The following CDH13 variants were observed in gnomAD, a reference collection of about 807,000 sequenced individuals.
CDH13 encodes cadherin 13.
A neutral mutation model predicts 63.8 loss-of-function variants in CDH13; 24 were observed. The observed-to-expected ratio is 0.38, with a 90% CI of 0.27 to 0.53. The LOEUF is 0.53. CDH13 is among the 20% of genes least tolerant of loss of function. CDH13 has a pLI of 0.85. For missense variants in CDH13, 1,049 were observed against 903.1 expected (o/e 1.16, Z -2.07); for synonymous variants, 503 against 355.3 (o/e 1.42, Z -4.67).
At chr16:82,673,646 G>A (rs1913557060) in intron 1 of CDH13, among the ~76,000 whole-genome samples, 2 of 152,234 alleles carry the variant, frequency 1.3e-5, no homozygotes, top group Non-Finnish European at 2.9e-5. Context: ...GATGGCGAGA[G>A]CCTCCCTAAA....
At chr16:82,939,484 A>AG (rs2042767832) in intron 2 of CDH13, among the ~76,000 whole-genome samples, 1 of 99,910 alleles carries the variant, frequency 1.0e-5, no homozygotes, top group Non-Finnish European at 2.0e-5. Context: ...GGAGGGAGGG[A>AG]GGGAGGGAAG....
chr16:82,740,267 T>C (rs1486056954), intron 1 of CDH13, among the ~76,000 whole-genome samples: 3 of 152,196 alleles, frequency 2.0e-5, no homozygotes, highest in Non-Finnish European at 4.4e-5. Context: ...TTGAGTACTT[T>C]AATTCTGGAT....
At chr16:82,874,047 A>G (rs1011819189) in intron 2 of CDH13, among the ~76,000 whole-genome samples, 11 of 90,552 alleles carry the variant, frequency 1.2e-4, no homozygotes, top group Admixed American at 6.2e-4. Flanking sequence ...TAGAAAGATA[A>G]TAAGATGCAC....
At chr16:83,504,145 C>T (rs2074345505) in intron 7 of CDH13, among the ~76,000 whole-genome samples, 1 of 152,120 alleles carries the variant, frequency 6.6e-6, no homozygotes, top group African/African-American at 2.4e-5. Flanking sequence ...ATAAAAGATG[C>T]CCGTTCCTCT....
chr16:83,283,411 T>C (rs145875157), intron 5 of CDH13, among the ~76,000 whole-genome samples: 33,198 of 152,132 alleles, frequency 0.22, 3,847 homozygotes, highest in Middle Eastern at 0.3. Flanking sequence ...GCCAACATGG[T>C]GAAACCCTGT....
intron 5 of CDH13, among the ~76,000 whole-genome samples, chr16:83,267,535 G>C (rs1287770570): frequency 6.6e-6 from 1 of 152,174 alleles, no homozygotes. Flanking sequence ...CCTCTAAAAG[G>C]TGATTAGGTC....
Position 83,773,776 on chromosome 16 carries a change from C to T in CDH13, c.1682-6192C>T, listed in dbSNP as rs145182806. ...AGTTCTTCTAGCCTTGCCTCAAACC[C>T]AGGGTGAGCATTAGTATATGGTGAT... On this transcript the variant is annotated intron_variant, in intron 11 of 13. Coordinates refer to ENST00000567109, the MANE Select transcript of CDH13 (RefSeq NM_001257.5). 1.1e-3 allele frequency among the ~76,000 whole-genome samples: 167 copies of T among 152,260 alleles called. 2 individuals are homozygous for T. Among genetic ancestry groups the T allele is most frequent in the Middle Eastern group, 3.4e-3 (1 of 294 alleles).
chr16:83,590,779 G>A (rs749112323), intron 7 of CDH13, among the ~76,000 whole-genome samples: 5 of 151,910 alleles, frequency 3.3e-5, no homozygotes, highest in African/African-American at 7.3e-5. Context: ...CTAAATCGAC[G>A]ACATCAGCGT....
At chr16:83,134,539 T>TGG (rs2036192190) in intron 4 of CDH13, among the ~76,000 whole-genome samples, 17 of 46,514 alleles carry the variant, frequency 3.7e-4, no homozygotes, top group Admixed American at 3.3e-3. Flanking sequence ...GGGGATGGGG[T>TGG]GGGGGGAGAG....
At chr16:82,676,629 G>T (rs1913941651) in intron 1 of CDH13, among the ~76,000 whole-genome samples, 1 of 151,462 alleles carries the variant, frequency 6.6e-6, no homozygotes, top group African/African-American at 2.4e-5. Flanking sequence ...TGCATATGAC[G>T]ATGTCATTCA....
intron 3 of CDH13, among the ~76,000 whole-genome samples, chr16:83,071,774 A>G (rs1288805616): frequency 6.6e-6 from 1 of 152,246 alleles, no homozygotes; most frequent in East Asian, 1.9e-4. Context: ...TAGCATATAT[A>G]GGTGCATATA....
intron 5 of CDH13, among the ~76,000 whole-genome samples, chr16:83,275,841 G>C (rs1350745463): frequency 6.6e-6 from 1 of 152,182 alleles, no homozygotes; most frequent in East Asian, 1.9e-4. Context: ...AAGGAAAGAG[G>C]GGTGAGGGAA....
rs373549821 is a variant in CDH13 at position 82,627,027 on chromosome 16, G to A, written c.-66G>A. ...CTCTCCTCAAAGCCTGGCTCCCACG[G>A]AAAATATGCTCAGTGCAGCCGCGTG... On this transcript the variant is annotated 5_prime_UTR_variant, in exon 1 of 14. Transcript: ENST00000567109. 2.6e-4 allele frequency: 398 copies of A among 1,551,196 alleles called. No individual in the cohort carries two copies. Among genetic ancestry groups the A allele is most frequent in the Middle Eastern group, 2.0e-3 (12 of 5,972 alleles).
intron 8 of CDH13, among the ~76,000 whole-genome samples, chr16:83,623,164 T>A (rs946726885): frequency 5.3e-5 from 8 of 152,064 alleles, no homozygotes; most frequent in African/African-American, 1.9e-4. Context: ...CCCTGAGGCA[T>A]ACAAGAGCCC....
intron 10 of CDH13, among the ~76,000 whole-genome samples, chr16:83,690,170 G>A (rs777567772): frequency 5.9e-5 from 9 of 151,962 alleles, no homozygotes; most frequent in Admixed American, 2.0e-4. Context: ...CAAAAACTCC[G>A]TCTCAAAAAA....
chr16:82,838,135 C>G (rs2038849107), intron 1 of CDH13, among the ~76,000 whole-genome samples: 1 of 152,222 alleles, frequency 6.6e-6, no homozygotes, highest in African/African-American at 2.4e-5. Context: ...AGCTCTTCCC[C>G]TGAGTTCTCC....
At chr16:83,656,867 C>G (rs929205652) in intron 8 of CDH13, among the ~76,000 whole-genome samples, 2 of 152,190 alleles carry the variant, frequency 1.3e-5, no homozygotes, top group East Asian at 1.9e-4. Context: ...CATTTCATCT[C>G]TCCAAGTCAA....
chr16:83,718,965 G>A (rs1909311297), intron 10 of CDH13, among the ~76,000 whole-genome samples: 1 of 152,172 alleles, frequency 6.6e-6, no homozygotes, highest in Admixed American at 6.5e-5. Context: ...ATGAGCAAAG[G>A]CCTTTGGCTG....
intron 2 of CDH13, among the ~76,000 whole-genome samples, chr16:82,944,262 A>G (rs866669373): frequency 1.3e-5 from 2 of 152,172 alleles, no homozygotes; most frequent in African/African-American, 2.4e-5. Flanking sequence ...GACATCCTCC[A>G]GTCCCAGGCT....
Sources: gnomAD v4.1 joint callset for allele counts (sites outside exome capture counted in the v4.1 genomes callset) on GRCh38, gnomAD v4.1.1 for gene constraint, MANE v1.5 for transcripts, NCBI Gene and HGNC (gene_info 2026-07-23, HGNC 2026-07-21) for gene names.